Variants in ARHGAP22 observed in about 807,000 individuals in gnomAD.
ARHGAP22 encodes Rho GTPase activating protein 22.
In ARHGAP22, 48 loss-of-function variants were observed where a neutral mutation model predicts 59.1. The observed-to-expected ratio is 0.81, with a 90% CI of 0.64 to 1.03. The LOEUF (loss-of-function observed/expected upper bound fraction) is 1.03. Among genes scored for constraint, ARHGAP22 ranks in the 50% least tolerant of loss-of-function variants. ARHGAP22 has a pLI of 0.00. For missense variants in ARHGAP22, 1,015 were observed against 958.7 expected, an observed-to-expected ratio of 1.06 and a Z score of -0.78; for synonymous variants, 445 against 416.4, an observed-to-expected ratio of 1.07 and a Z score of -0.84.
chr10:48,652,537 G>C lies in ARHGAP22; in HGVS notation c.-252C>G. 3 of 540,484 alleles carry C rather than the reference G, an allele frequency of 5.6e-6. No individual in the cohort carries two copies. In the East Asian group the frequency reaches 8.8e-5, roughly 16 times the overall value. The allele number at this position is 540,484 out of a possible 1,614,324, so 33.5% of individuals were successfully genotyped here. On this transcript the variant is annotated 5_prime_UTR_variant, in exon 1 of 10. Coordinates refer to the ARHGAP22 transcript ENST00000435790. Reference sequence around the variant, plus strand: ...GGAATGGCCTTGAGAAAGTCACGGGGTCTTGGGGTATCAGTTCCTCAAATC... The same window carrying C: ...GGAATGGCCTTGAGAAAGTCACGGGCTCTTGGGGTATCAGTTCCTCAAATC...
intron 1 of ARHGAP22, among the ~76,000 whole-genome samples, chr10:48,614,318 G>T (rs111933998): frequency 2.8e-4 from 43 of 152,320 alleles, no homozygotes; most frequent in Non-Finnish European, 2.2e-4. Flanking sequence ...TTTGGCAAAG[G>T]AGAGTTGTTT....
chr10:48,434,739 G>A, the ARHGAP22 span: 1 of 545,858 alleles, frequency 1.8e-6, no homozygotes, highest in East Asian at 3.1e-5. Context: ...TTAAGTTAGT[G>A]TGTTGGATAT....
intron 2 of ARHGAP22, among the ~76,000 whole-genome samples, chr10:48,570,305 C>A (rs1227996510): frequency 6.6e-6 from 1 of 152,224 alleles, no homozygotes; most frequent in African/African-American, 2.4e-5. Context: ...TTTTATGACT[C>A]CAATGAGTAA....
chr10:48,543,383 C>T (rs1411423550), intron 3 of ARHGAP22, among the ~76,000 whole-genome samples: 2 of 152,146 alleles, frequency 1.3e-5, no homozygotes, highest in Non-Finnish European at 2.9e-5. Context: ...TTCACACCAC[C>T]CTGAGCACAG....
At chr10:48,605,219 C>A (rs974131818), upstream of ARHGAP22, 15 of 949,712 alleles carry the variant, frequency 1.6e-5, no homozygotes, top group African/African-American at 2.7e-4. Flanking sequence ...TACTGGGGTT[C>A]CGGCCATCCT....
chr10:48,541,335 C>T (rs908260570), intron 3 of ARHGAP22, among the ~76,000 whole-genome samples: 1 of 152,202 alleles, frequency 6.6e-6, no homozygotes, highest in Non-Finnish European at 1.5e-5. Flanking sequence ...AGAATTTTAT[C>T]TACATCTTTG....
At chr10:48,486,627 T>C (rs1435151188) in intron 3 of ARHGAP22, among the ~76,000 whole-genome samples, 1 of 152,226 alleles carries the variant, frequency 6.6e-6, no homozygotes, top group African/African-American at 2.4e-5. Flanking sequence ...AATCTTAACA[T>C]CTTTTGAAAA....
At chr10:48,520,787 T>G (rs976634719) in intron 3 of ARHGAP22, among the ~76,000 whole-genome samples, 3 of 151,346 alleles carry the variant, frequency 2.0e-5, no homozygotes, top group African/African-American at 7.3e-5. Context: ...GCAGGAAGGG[T>G]GAGGGGCGAA....
chr10:48,541,397 G>C (rs906396714), intron 3 of ARHGAP22, among the ~76,000 whole-genome samples: 2 of 152,128 alleles, frequency 1.3e-5, no homozygotes, highest in African/African-American at 2.4e-5. Flanking sequence ...CTTCCTGCCC[G>C]GTGCGCTATC....
intron 2 of ARHGAP22, among the ~76,000 whole-genome samples, chr10:48,581,579 C>T (rs761721798): frequency 9.9e-5 from 15 of 152,226 alleles, no homozygotes; most frequent in Non-Finnish European, 1.6e-4. Flanking sequence ...GTCATACTCA[C>T]ATTTCATCTG....
chr10:48,569,809 G>A (rs1173067968), intron 2 of ARHGAP22, among the ~76,000 whole-genome samples: 2 of 152,172 alleles, frequency 1.3e-5, no homozygotes, highest in African/African-American at 2.4e-5. Flanking sequence ...AAAACAATTC[G>A]GGGGCAACCA....
At chr10:48,520,161 G>A (rs910629849) in intron 3 of ARHGAP22, among the ~76,000 whole-genome samples, 3 of 152,214 alleles carry the variant, frequency 2.0e-5, no homozygotes, top group Non-Finnish European at 4.4e-5. Context: ...CTAATGAGGG[G>A]CTCTGGATCT....
At chr10:48,625,495 T>A (rs1014090568) in intron 1 of ARHGAP22, among the ~76,000 whole-genome samples, 4 of 152,166 alleles carry the variant, frequency 2.6e-5, no homozygotes, top group African/African-American at 9.7e-5. Context: ...GCGTTGCAGT[T>A]CATGACCAGC....
intron 3 of ARHGAP22, among the ~76,000 whole-genome samples, chr10:48,498,167 A>C (rs79444599): frequency 6.6e-6 from 1 of 152,038 alleles, no homozygotes; most frequent in African/African-American, 2.4e-5. Context: ...GAAAGATGTG[A>C]TCCTGTGGTG....
At position 48,459,884 on chromosome 10, in the gene ARHGAP22, A is replaced by G. The variant is rs1480172167; in HGVS notation, c.459T>C (p.Phe153=). ...VIWAPLGGGI[F]GQRLEETVHH... ...GGACTGTTTCCTCTAGGCGCTGCCCAAAGATCCCTGAGCACAGAGAGGAGC... is the reference window on the plus strand; with the variant it reads ...GGACTGTTTCCTCTAGGCGCTGCCCGAAGATCCCTGAGCACAGAGAGGAGC... The change falls in exon 5 of 10, where the codon TTT becomes TTC. Residue 153 remains phenylalanine (F), a synonymous_variant. Transcript: ENST00000249601. 5 of 1,612,098 alleles carry G rather than the reference A, an allele frequency of 3.1e-6. No homozygotes were observed. Among genetic ancestry groups the G allele is most frequent in the Non-Finnish European group, 4.2e-6 (5 of 1,179,822 alleles).
At position 48,582,951 on chromosome 10, in the gene ARHGAP22, A is replaced by T; in HGVS notation, c.234+2T>A. 1.2e-6 allele frequency: 2 copies of T among 1,614,142 alleles called. No homozygotes were observed. Among genetic ancestry groups the T allele is most frequent in the Non-Finnish European group, 1.7e-6 (2 of 1,180,002 alleles). On this transcript the variant is annotated splice_donor_variant, in intron 2 of 9. Transcript: ENST00000249601. LOFTEE classifies it high-confidence loss of function. ...ACGGCACACCGGACATGCACTTCTCACCTGGGGCTTGATCTCATCTTTGTC... is the reference window on the plus strand; with the variant it reads ...ACGGCACACCGGACATGCACTTCTCTCCTGGGGCTTGATCTCATCTTTGTC...
intron 1 of ARHGAP22, among the ~76,000 whole-genome samples, chr10:48,629,517 T>C (rs753992736): frequency 6.6e-5 from 10 of 152,242 alleles, no homozygotes; most frequent in Middle Eastern, 3.2e-3. Context: ...CAAAGGTCAG[T>C]TAGCTACATT....
chr10:48,458,465 G>A (rs1319687729), intron 5 of ARHGAP22, among the ~76,000 whole-genome samples: 1 of 152,176 alleles, frequency 6.6e-6, no homozygotes, highest in African/African-American at 2.4e-5. Flanking sequence ...CAGGATGGGA[G>A]AAGCTTGGCA....
chr10:48,580,420 C>T (rs980355348), intron 2 of ARHGAP22, among the ~76,000 whole-genome samples: 2 of 152,132 alleles, frequency 1.3e-5, no homozygotes, highest in Non-Finnish European at 2.9e-5. Flanking sequence ...CGTGGGGAAG[C>T]CTGTGGCAGA....
Sources: gnomAD v4.1 joint callset for allele counts (sites outside exome capture counted in the v4.1 genomes callset) on GRCh38, gnomAD v4.1.1 for gene constraint, MANE v1.5 for transcripts, NCBI Gene and HGNC (gene_info 2026-07-23, HGNC 2026-07-21) for gene names.